PLEKHA5: variants seen among roughly 807,000 people sequenced by gnomAD.
PLEKHA5 encodes the protein pleckstrin homology domain-containing family A member 5.
PLEKHA5 carries 55 observed loss-of-function variants against 181.9 expected under a neutral mutation model. The observed-to-expected ratio is 0.30, with a 90% CI of 0.24 to 0.38. The LOEUF (loss-of-function observed/expected upper bound fraction) is 0.38. PLEKHA5 is among the 10% of genes least tolerant of loss of function. PLEKHA5 has a pLI of 1.00. For synonymous variants in PLEKHA5, 535 were observed against 529.4 expected (o/e 1.01, Z -0.15); for missense variants, 1,432 against 1,549.5 (o/e 0.92, Z 1.27).
chr12:19,284,926 C>CT lies in PLEKHA5; in HGVS notation c.1779+1182dup, dbSNP rs113809705. Among the ~76,000 whole-genome samples, 3 of 152,264 alleles carry CT rather than the reference C, an allele frequency of 2.0e-5. 1 individual carries two copies. The highest frequency in any genetic ancestry group is 7.2e-5 in the African/African-American group (3 of 41,574). ...CAAGCCTGGGAGACAGAGCAGGACTCTGACTCAAAAAATAGTAATAATAAG... is the reference window on the plus strand; with the variant it reads ...CAAGCCTGGGAGACAGAGCAGGACTCTTGACTCAAAAAATAGTAATAATAAG... On this transcript the variant is annotated intron_variant, in intron 12 of 31. Transcript: ENST00000429027.
At chr12:19,278,893 C>G (rs940003165) in intron 11 of PLEKHA5, among the ~76,000 whole-genome samples, 2 of 152,134 alleles carry the variant, frequency 1.3e-5, no homozygotes, top group East Asian at 1.9e-4. Flanking sequence ...TTTGAACAAC[C>G]TCTTTTTGAG....
chr12:19,353,746 A>G, intron 25 of PLEKHA5, 138 bp from the exon 26 acceptor site: 1 of 585,308 alleles, frequency 1.7e-6, no homozygotes, highest in Non-Finnish European at 3.1e-6. Flanking sequence ...GGCGTGAGCC[A>G]CCGCGCCAGG....
chr12:19,205,439 A>C (rs995259707), intron 3 of PLEKHA5: 10 of 932,250 alleles, frequency 1.1e-5, no homozygotes, highest in Non-Finnish European at 1.3e-5. Flanking sequence ...GCAAAAGGCT[A>C]TTTGGTGAGT....
chr12:19,337,391 A>G (rs1332869156), intron 21 of PLEKHA5, among the ~76,000 whole-genome samples: 1 of 151,764 alleles, frequency 6.6e-6, no homozygotes, highest in Non-Finnish European at 1.5e-5. Flanking sequence ...TGTCTCTACT[A>G]TAAATACAAA....
chr12:19,248,954 C>T (rs1163112384), intron 3 of PLEKHA5, among the ~76,000 whole-genome samples: 1 of 152,162 alleles, frequency 6.6e-6, no homozygotes, highest in Admixed American at 6.5e-5. Flanking sequence ...TTATTTTCTA[C>T]AGCTTCTATT....
At chr12:19,192,920 T>G (rs929652682) in intron 3 of PLEKHA5, among the ~76,000 whole-genome samples, 2 of 152,182 alleles carry the variant, frequency 1.3e-5, no homozygotes, top group African/African-American at 4.8e-5. Flanking sequence ...CTGCCTGTTT[T>G]TGTAAATAAA....
At chr12:19,360,197 G>A (rs1220111712) in intron 28 of PLEKHA5, among the ~76,000 whole-genome samples, 2 of 151,842 alleles carry the variant, frequency 1.3e-5, no homozygotes, top group Admixed American at 1.3e-4. Flanking sequence ...AGGTGTGGTG[G>A]CATGCACCTG....
intron 3 of PLEKHA5, among the ~76,000 whole-genome samples, chr12:19,140,458 T>G (rs934334373): frequency 6.6e-6 from 1 of 152,178 alleles, no homozygotes; most frequent in Non-Finnish European, 1.5e-5. Context: ...GGGGAACATC[T>G]TGGCCACTAA....
chr12:19,228,549 G>A (rs769604627), intron 3 of PLEKHA5, among the ~76,000 whole-genome samples: 39 of 152,070 alleles, frequency 2.6e-4, no homozygotes, highest in Admixed American at 5.9e-4. Context: ...TTGTTTCATC[G>A]TAACAATTAT....
At chr12:19,274,257 C>G (rs1169859843) in intron 10 of PLEKHA5, among the ~76,000 whole-genome samples, 1 of 152,182 alleles carries the variant, frequency 6.6e-6, no homozygotes, top group African/African-American at 2.4e-5. Context: ...TTTCAGATTC[C>G]TAATGGTGGG....
chr12:19,266,220 TTCC>T lies in PLEKHA5; in HGVS notation c.711+371_711+373del, dbSNP rs531721051. On this transcript the variant is annotated intron_variant, in intron 8 of 31. Coordinates refer to ENST00000429027, the MANE Select transcript of PLEKHA5 (RefSeq NM_001256470.2). ...TGGGGTCTGGGCACAGTGGCGGTAA[TTCC>T]AGCACTTCCGGAGACCAAGGTGGGA... 5.9e-5 allele frequency among the ~76,000 whole-genome samples: 9 copies of T among 151,894 alleles called. No individual in the cohort carries two copies. In the East Asian group the frequency reaches 1.4e-3, roughly 23 times the overall value.
At chr12:19,213,903 A>G (rs1272057896) in intron 3 of PLEKHA5, among the ~76,000 whole-genome samples, 1 of 152,304 alleles carries the variant, frequency 6.6e-6, no homozygotes, top group Non-Finnish European at 1.5e-5. Context: ...TGAAATGTAG[A>G]TAGGATATTC....
intron 21 of PLEKHA5, among the ~76,000 whole-genome samples, chr12:19,339,047 T>C (rs2093671673): frequency 6.8e-6 from 1 of 147,226 alleles, no homozygotes; most frequent in South Asian, 2.1e-4. Flanking sequence ...TAACTTCTCT[T>C]TTTTTTTTTT....
chr12:19,266,799 T>C (rs913479052), intron 8 of PLEKHA5, among the ~76,000 whole-genome samples: 4 of 152,052 alleles, frequency 2.6e-5, no homozygotes, highest in African/African-American at 9.7e-5. Context: ...TTATTAATAA[T>C]AAATTTGGAG....
At chr12:19,334,387 A>G (rs925599507) in intron 20 of PLEKHA5, among the ~76,000 whole-genome samples, 2 of 152,172 alleles carry the variant, frequency 1.3e-5, no homozygotes, top group African/African-American at 2.4e-5. Flanking sequence ...CTCAATCTGT[A>G]TTTTTAATGT....
At chr12:19,350,695 G>T (rs186270408) in intron 25 of PLEKHA5, among the ~76,000 whole-genome samples, 122 of 152,172 alleles carry the variant, frequency 8.0e-4, no homozygotes, top group Admixed American at 2.1e-3. Flanking sequence ...CTTGAACTGG[G>T]AGGCAGAGGT....
chr12:19,346,877 G>T, intron 23 of PLEKHA5, 117 bp from the exon 24 acceptor site: 1 of 618,794 alleles, frequency 1.6e-6, no homozygotes, highest in Non-Finnish European at 2.5e-6. Context: ...TTTTGGCTTG[G>T]CAGTGTCCCT....
intron 3 of PLEKHA5, among the ~76,000 whole-genome samples, chr12:19,178,036 A>T (rs113898764): frequency 5.6e-4 from 86 of 152,218 alleles, no homozygotes; most frequent in Admixed American, 2.2e-3. Context: ...CATCATCTTC[A>T]TACTCCTGCA....
chr12:19,265,692 A>G (rs1391437377), intron 7 of PLEKHA5, 58 bp from the exon 8 acceptor site: 5 of 982,904 alleles, frequency 5.1e-6, no homozygotes, highest in East Asian at 2.4e-5. Context: ...TAGATCTTGA[A>G]AAACTTTGCT....
Sources: allele counts gnomAD v4.1 joint callset (sites outside exome capture counted in the v4.1 genomes callset), GRCh38; gene constraint gnomAD v4.1.1; transcripts MANE v1.5; gene names NCBI Gene and HGNC (gene_info 2026-07-23, HGNC 2026-07-21).